NRXN3: variants seen among roughly 807,000 people sequenced by gnomAD.
NRXN3 encodes the protein neurexin III.
A neutral mutation model predicts 137.6 loss-of-function variants in NRXN3; 32 were observed. The ratio of observed to expected loss-of-function variants is 0.23; its 90% CI spans 0.18 to 0.31. The LOEUF (loss-of-function observed/expected upper bound fraction) is 0.31. Among genes scored for constraint, NRXN3 ranks in the 10% least tolerant of loss-of-function variants. The pLI, the probability that NRXN3 is intolerant of heterozygous loss-of-function variation, is 1.00. For synonymous variants in NRXN3, 798 were observed against 784.5 expected (o/e 1.02, Z -0.29); for missense variants, 1,574 against 2,062.5 (o/e 0.76, Z 4.59).
chr14:79,345,169 T>C (rs573187532), intron 15 of NRXN3, among the ~76,000 whole-genome samples: 2 of 152,296 alleles, frequency 1.3e-5, no homozygotes, highest in South Asian at 4.1e-4. Flanking sequence ...ATATTTGCCT[T>C]GTGGTCTCTG....
chr14:79,090,985 G>C (rs1235188807), intron 15 of NRXN3, among the ~76,000 whole-genome samples: 1 of 151,862 alleles, frequency 6.6e-6, no homozygotes, highest in Non-Finnish European at 1.5e-5. Context: ...GAGCAAAAGG[G>C]AACTCACAAG....
intron 15 of NRXN3, among the ~76,000 whole-genome samples, chr14:79,082,140 T>C (rs1258567304): frequency 6.6e-6 from 1 of 151,902 alleles, no homozygotes; most frequent in East Asian, 1.9e-4. Context: ...TTAAAACATA[T>C]ACAAAACTAC....
At chr14:78,283,564 A>G (rs1246275415) in intron 3 of NRXN3, among the ~76,000 whole-genome samples, 1 of 150,616 alleles carries the variant, frequency 6.6e-6, no homozygotes, top group Non-Finnish European at 1.5e-5. Flanking sequence ...ACTGGCATGT[A>G]ATGGTGCAAT....
chr14:78,703,273 G>A (rs1753855714), intron 6 of NRXN3, among the ~76,000 whole-genome samples: 1 of 152,186 alleles, frequency 6.6e-6, no homozygotes. Flanking sequence ...TGAGTGGAGT[G>A]GACAGTTTAG....
intron 4 of NRXN3, among the ~76,000 whole-genome samples, chr14:78,439,937 C>G (rs546732029): frequency 1.4e-4 from 22 of 151,962 alleles, no homozygotes; most frequent in African/African-American, 5.3e-4. Context: ...GGACCCCAGG[C>G]CCCAAATGCC....
intron 15 of NRXN3, among the ~76,000 whole-genome samples, chr14:79,375,234 T>TG (rs1044653120): frequency 2.1e-5 from 2 of 94,840 alleles, no homozygotes; most frequent in South Asian, 3.7e-4. Context: ...TGAGTTTTTG[T>TG]GTTTTTTTTT....
At chr14:79,561,691 T>A (rs1788247795) in intron 16 of NRXN3, among the ~76,000 whole-genome samples, 1 of 152,154 alleles carries the variant, frequency 6.6e-6, no homozygotes, top group African/African-American at 2.4e-5. Context: ...CGTTTCCTCA[T>A]GCTTTCATCA....
intron 7 of NRXN3, among the ~76,000 whole-genome samples, chr14:78,710,777 T>C (rs1330027180): frequency 6.6e-6 from 1 of 152,166 alleles, no homozygotes; most frequent in African/African-American, 2.4e-5. Flanking sequence ...GATAGCAATA[T>C]TGCCCTTAGG....
In NRXN3 at chr14:79,018,621, G is replaced by A. The variant is rs576576495; in HGVS notation, c.3262+30480G>A. Among the ~76,000 whole-genome samples the A allele has an allele frequency of 5.9e-5, 9 of 152,134 alleles. No individual in the cohort carries two copies. In the East Asian group the frequency reaches 1.7e-3, roughly 29 times the overall value. ...TCTCTCACTCTCCTTTACAGAGTAG[G>A]CCCCTAATAAATATATGCAGAATGA... On this transcript the variant is annotated intron_variant, in intron 15 of 20. Transcript: ENST00000335750.
At chr14:78,747,122 G>A (rs1470296300) in intron 8 of NRXN3, among the ~76,000 whole-genome samples, 9 of 124,176 alleles carry the variant, frequency 7.2e-5, no homozygotes, top group Admixed American at 6.5e-4. Context: ...CTCATAAATA[G>A]CAGAGCCAGG....
chr14:79,197,063 T>C (rs1382338492), intron 15 of NRXN3, among the ~76,000 whole-genome samples: 1 of 152,214 alleles, frequency 6.6e-6, no homozygotes, highest in African/African-American at 2.4e-5. Flanking sequence ...ATCCTATTTC[T>C]GGGTCCAGCC....
chr14:79,267,091 C>A (rs752674299), intron 15 of NRXN3, among the ~76,000 whole-genome samples: 1 of 152,120 alleles, frequency 6.6e-6, no homozygotes, highest in Non-Finnish European at 1.5e-5. Context: ...TCCACACTGA[C>A]TATCATTTGT....
At chr14:78,617,333 T>C (rs2097356782) in intron 4 of NRXN3, among the ~76,000 whole-genome samples, 1 of 152,126 alleles carries the variant, frequency 6.6e-6, no homozygotes, top group African/African-American at 2.4e-5. Context: ...ACGTGACCCA[T>C]AGAGATGACC....
At chr14:78,469,762 G>A (rs1388885725) in intron 4 of NRXN3, among the ~76,000 whole-genome samples, 1 of 152,144 alleles carries the variant, frequency 6.6e-6, no homozygotes, top group African/African-American at 2.4e-5. Context: ...CATTCAAACC[G>A]AGCTTTCTTT....
At chr14:78,467,372 T>G (rs2095139152) in intron 4 of NRXN3, among the ~76,000 whole-genome samples, 1 of 152,220 alleles carries the variant, frequency 6.6e-6, no homozygotes, top group African/African-American at 2.4e-5. Flanking sequence ...AAAACGAGTT[T>G]AAACATTATA....
At chr14:79,796,243 AAAT>A (rs1481503857) in intron 19 of NRXN3, among the ~76,000 whole-genome samples, 3 of 152,186 alleles carry the variant, frequency 2.0e-5, no homozygotes, top group African/African-American at 7.2e-5. Flanking sequence ...TCTGTCTCCT[AAAT>A]AATATGTAAT....
At chr14:78,257,144 G>T (rs546896814) in intron 2 of NRXN3, among the ~76,000 whole-genome samples, 1 of 152,208 alleles carries the variant, frequency 6.6e-6, no homozygotes, top group Non-Finnish European at 1.5e-5. Context: ...ATCATTTTTG[G>T]TATGAAAACC....
intron 1 of NRXN3, among the ~76,000 whole-genome samples, chr14:78,225,974 G>GTGTGTGTTGGT (rs1394081828): frequency 4.1e-4 from 51 of 123,716 alleles, no homozygotes; most frequent in South Asian, 8.2e-4. Context: ...TGTGTGTGTT[G>GTGTGTGTTGGT]GTGTGTGTGT....
intron 16 of NRXN3, among the ~76,000 whole-genome samples, chr14:79,532,848 T>G (rs975808623): frequency 7.2e-5 from 11 of 152,352 alleles, no homozygotes; most frequent in Admixed American, 5.9e-4. Context: ...AAATGTCACT[T>G]GAGGCACTTC....
Sources: gnomAD v4.1 joint callset for allele counts (sites outside exome capture counted in the v4.1 genomes callset) on GRCh38, gnomAD v4.1.1 for gene constraint, MANE v1.5 for transcripts, NCBI Gene and HGNC (gene_info 2026-07-23, HGNC 2026-07-21) for gene names.